TMPRSS11B: variants seen among roughly 807,000 people sequenced by gnomAD.
TMPRSS11B encodes the protein transmembrane protease serine 11B.
In TMPRSS11B, 53 loss-of-function variants were observed where a neutral mutation model predicts 44.7. The ratio of observed to expected loss-of-function variants is 1.19; its 90% CI spans 0.95 to 1.49. TMPRSS11B has a LOEUF of 1.49. Among genes scored for constraint, TMPRSS11B ranks in the 40% most tolerant of loss-of-function variants. TMPRSS11B has a pLI of 0.00. For missense variants in TMPRSS11B, 526 were observed against 494.8 expected, an observed-to-expected ratio of 1.06 and a Z score of -0.60; for synonymous variants, 140 against 159.2, an observed-to-expected ratio of 0.88 and a Z score of 0.91.
chr4:68,244,225 A>G (rs766234039), intron 1 of TMPRSS11B, among the ~76,000 whole-genome samples: 2 of 152,352 alleles, frequency 1.3e-5, no homozygotes, highest in East Asian at 1.9e-4. Context: ...TCCCTCACTT[A>G]ACAAAGGAAA....
intron 5 of TMPRSS11B, among the ~76,000 whole-genome samples, chr4:68,233,409 T>A (rs1719574083): frequency 2.0e-5 from 3 of 152,190 alleles, no homozygotes; most frequent in African/African-American, 7.2e-5. Flanking sequence ...ATCACCTAGC[T>A]GGACTTTTAA....
intron 2 of TMPRSS11B, among the ~76,000 whole-genome samples, chr4:68,241,309 T>G (rs747737795): frequency 9.2e-5 from 14 of 152,174 alleles, no homozygotes; most frequent in Non-Finnish European, 1.8e-4. Flanking sequence ...CATTGCTACT[T>G]ATTCATCATA....
At chr4:68,233,647 A>T (rs1466039420) in intron 5 of TMPRSS11B, among the ~76,000 whole-genome samples, 1 of 152,072 alleles carries the variant, frequency 6.6e-6, no homozygotes, top group Non-Finnish European at 1.5e-5. Context: ...CCAATAGGAA[A>T]AAGATTTAAA....
At chr4:68,228,583 G>A (rs1166581259) in intron 9 of TMPRSS11B, among the ~76,000 whole-genome samples, 159 bp downstream of exon 9, 1 of 152,208 alleles carries the variant, frequency 6.6e-6, no homozygotes, top group African/African-American at 2.4e-5. Context: ...CTAGCATGTA[G>A]GCTAGTGTCT....
In TMPRSS11B at chr4:68,229,404, G is replaced by A. The variant is rs779954182; in HGVS notation, c.799C>T (p.Leu267Phe). Residue 267 changes from leucine to phenylalanine, a missense_variant, in exon 8 of 10, where the codon CTT becomes TTT. By Grantham distance (22) the Leu-to-Phe change is conservative. Coordinates refer to ENST00000332644, the MANE Select transcript of TMPRSS11B (RefSeq NM_182502.3). ...IFHENYSSPG[L>F]HDDIALVQLA... ...TGCACAAGGGCAATATCATCATGAA[G>A]CCCAGGACTGCTATAATTTTCATGA... is the stretch of plus-strand genomic sequence containing the variant. The A allele has an allele frequency of 1.9e-6, 3 of 1,614,010 alleles. No homozygotes were observed. The South Asian group carries it at 3.3e-5, about 18-fold the overall frequency.
chr4:68,244,918 A>AT (rs1217581279), intron 1 of TMPRSS11B, among the ~76,000 whole-genome samples: 3 of 152,278 alleles, frequency 2.0e-5, no homozygotes, highest in East Asian at 3.9e-4. Flanking sequence ...AAAAATAAAC[A>AT]TTTTTTCCAT....
rs143345956 is a variant in TMPRSS11B, at chr4:68,228,647, T to C, written c.1089+95A>G. On this transcript the variant is annotated intron_variant, in intron 9 of 9. Transcript: ENST00000332644. ...AGTGTATTGAAATACAAAGCTACTA[T>C]GTCAGTATTATTAACACAAAAAAAA... is the stretch of plus-strand genomic sequence containing the variant. 2.1e-3 allele frequency: 2,608 copies of C among 1,225,322 alleles called. 27 individuals carry two copies. In the African/African-American group the frequency reaches 0.027, roughly 13 times the overall value. 75.9% of individuals were successfully genotyped at this position (1,225,322 alleles called of 1,614,324 possible). A position where few individuals can be genotyped will look rare whatever the true frequency, so the allele number is the denominator to read the frequency against.
chr4:68,236,895 C>T (rs976310922), intron 2 of TMPRSS11B, among the ~76,000 whole-genome samples: 9 of 150,054 alleles, frequency 6.0e-5, no homozygotes, highest in African/African-American at 2.2e-4. Context: ...TGATGTTATT[C>T]CTGGAGGACA....
Position 68,231,278 on chromosome 4 carries a change from C to T in TMPRSS11B, c.611G>A (p.Trp204Ter), listed in dbSNP as rs1438450286. The T allele has an allele frequency of 6.2e-7, 1 of 1,613,932 alleles. No individual in the cohort carries two copies. Among genetic ancestry groups the T allele is most frequent in the South Asian group, 1.1e-5 (1 of 91,060 alleles). Residue 204 changes from tryptophan (W) to a stop codon, truncating the protein, a stop_gained, in exon 7 of 10, where the codon TGG (tryptophan) becomes TAG (stop). Coordinates refer to ENST00000332644, the MANE Select transcript of TMPRSS11B (RefSeq NM_182502.3). LOFTEE classifies it high-confidence loss of function. ...GGCTCCACAGTAGTGACGGCCTTTCCATTGCATGCTGGCCTGCCATGGCCA... is the reference window on the plus strand; with the variant it reads ...GGCTCCACAGTAGTGACGGCCTTTCTATTGCATGCTGGCCTGCCATGGCCA... ...GAWPWQASMQ[W>*]KGRHYCGASL... is the part of the protein sequence containing the mutation.
At chr4:68,243,968 G>T (rs1356034105) in intron 1 of TMPRSS11B, among the ~76,000 whole-genome samples, 1 of 151,934 alleles carries the variant, frequency 6.6e-6, no homozygotes, top group East Asian at 1.9e-4. Flanking sequence ...GCTTTCTCTT[G>T]TCAAAAATAA....
intron 7 of TMPRSS11B, among the ~76,000 whole-genome samples, chr4:68,230,884 A>C (rs185194457): frequency 2.0e-5 from 3 of 152,118 alleles, no homozygotes; most frequent in African/African-American, 7.2e-5. Flanking sequence ...CTCATCTTCA[A>C]ATGGTTTTAA....
At position 68,242,229 on chromosome 4, in the gene TMPRSS11B, AT is replaced by A. The variant is rs1560445370; in HGVS notation, c.9-426del. Among the ~76,000 whole-genome samples, 52 of 74,774 alleles carry A rather than the reference AT, an allele frequency of 7.0e-4. 2 individuals carry two copies. The highest frequency in any genetic ancestry group is 5.3e-3 in the Middle Eastern group (1 of 190). The allele number at this position is 74,774 out of a possible 152,430, so 49.1% of individuals were successfully genotyped here. ...TATAATATATATAATATTATATTAT[AT>A]TATATATATTATATTATATATATTA... On this transcript the variant is annotated intron_variant, in intron 1 of 9. Transcript: ENST00000332644.
chr4:68,228,202 C>T, intron 9 of TMPRSS11B, 130 bp from the exon 10 acceptor site: 1 of 827,516 alleles, frequency 1.2e-6, no homozygotes, highest in South Asian at 2.2e-5. Flanking sequence ...ACTCTGAAAC[C>T]CTTAGGACTT....
chr4:68,244,085 T>C (rs1719937299), intron 1 of TMPRSS11B, among the ~76,000 whole-genome samples: 1 of 152,222 alleles, frequency 6.6e-6, no homozygotes, highest in Non-Finnish European at 1.5e-5. Flanking sequence ...TTTTGAATAA[T>C]AGCTGCACTT....
At chr4:68,244,616 A>C (rs1719950994) in intron 1 of TMPRSS11B, among the ~76,000 whole-genome samples, 1 of 152,246 alleles carries the variant, frequency 6.6e-6, no homozygotes, top group Non-Finnish European at 1.5e-5. Context: ...CATTTGCCTT[A>C]ATCAACTTGC....
intron 2 of TMPRSS11B, among the ~76,000 whole-genome samples, chr4:68,239,516 T>C (rs1719766115): frequency 6.6e-6 from 1 of 152,232 alleles, no homozygotes; most frequent in South Asian, 2.1e-4. Flanking sequence ...GATTTTGATA[T>C]GGCAGATTGA....
chr4:68,230,284 G>A (rs75916282), intron 7 of TMPRSS11B, among the ~76,000 whole-genome samples: 8,422 of 152,158 alleles, frequency 0.055, 318 homozygotes, highest in African/African-American at 0.1. Context: ...CAATTTTTGG[G>A]TCCAGATTAA....
intron 7 of TMPRSS11B, 34 bp from the exon 8 acceptor site, chr4:68,229,550 T>C: frequency 6.3e-7 from 1 of 1,586,326 alleles, no homozygotes; most frequent in Non-Finnish European, 8.6e-7. Context: ...ATACACTCAG[T>C]TGCTGGGTCA....
At chr4:68,231,455 T>C in intron 6 of TMPRSS11B, 75 bp from the exon 7 acceptor site, 1 of 1,343,126 alleles carries the variant, frequency 7.4e-7, no homozygotes, top group Non-Finnish European at 1.0e-6. Context: ...CATTAAAAAT[T>C]ACTTGAAACC....
Sources: gnomAD v4.1 joint callset for allele counts (sites outside exome capture counted in the v4.1 genomes callset) on GRCh38, gnomAD v4.1.1 for gene constraint, MANE v1.5 for transcripts, NCBI Gene and HGNC (gene_info 2026-07-23, HGNC 2026-07-21) for gene names.